OSBPL10: variants seen among roughly 807,000 people sequenced by gnomAD.
The protein encoded by OSBPL10 is oxysterol binding protein like 10, also known as oxysterol-binding protein-related protein 10.
OSBPL10 carries 49 observed loss-of-function variants against 81.7 expected under a neutral mutation model. The ratio of observed to expected loss-of-function variants is 0.60; its 90% CI spans 0.48 to 0.76. OSBPL10 has a LOEUF of 0.76. OSBPL10 is among the 30% of genes least tolerant of loss of function. The pLI, the probability that OSBPL10 is intolerant of heterozygous loss-of-function variation, is 0.00. For synonymous variants in OSBPL10, 419 were observed against 383.6 expected (o/e 1.09, Z -1.08); for missense variants, 923 against 987.8 (o/e 0.93, Z 0.88).
chr3:31,679,810 C>G (rs1264679127), intron 8 of OSBPL10, among the ~76,000 whole-genome samples: 1 of 152,126 alleles, frequency 6.6e-6, no homozygotes, highest in Non-Finnish European at 1.5e-5. Context: ...TATGAAAACA[C>G]AGAGCCCCAG....
At chr3:31,801,657 C>T (rs910070126) in intron 4 of OSBPL10, among the ~76,000 whole-genome samples, 1 of 152,138 alleles carries the variant, frequency 6.6e-6, no homozygotes, top group Admixed American at 6.5e-5. Flanking sequence ...GGTTACACTC[C>T]AGGAGCAAGC....
At chr3:31,829,656 CAG>C (rs773240431) in intron 4 of OSBPL10, among the ~76,000 whole-genome samples, 26 of 152,152 alleles carry the variant, frequency 1.7e-4, no homozygotes, top group African/African-American at 3.4e-4. Context: ...GGGCAGAAAA[CAG>C]GGGGTATCTG....
intron 5 of OSBPL10, among the ~76,000 whole-genome samples, chr3:31,739,280 G>C (rs1697272948): frequency 6.6e-6 from 1 of 151,856 alleles, no homozygotes; most frequent in African/African-American, 2.4e-5. Context: ...AGAAAAGAAA[G>C]GAAGAGGAGG....
chr3:31,762,630 A>ATTTT lies in OSBPL10; in HGVS notation c.730-14514_730-14511dup, dbSNP rs56311731. ...GCCTATGCACAACACCATGCCCAGCATTTTTTTTTTTTTTTTTTTGTAGAG... is the reference window on the plus strand; with the variant it reads ...GCCTATGCACAACACCATGCCCAGCATTTTTTTTTTTTTTTTTTTTTTTGTAGAG... On this transcript the variant is annotated intron_variant, in intron 4 of 11. Coordinates refer to ENST00000396556, the MANE Select transcript of OSBPL10 (RefSeq NM_017784.5). Among the ~76,000 whole-genome samples, 65 of 61,484 alleles carry ATTTT rather than the reference A, an allele frequency of 1.1e-3. 9 individuals are homozygous for ATTTT. The highest frequency in any genetic ancestry group is 4.6e-3 in the African/African-American group (57 of 12,522). 40.3% of individuals were successfully genotyped at this position (61,484 alleles called of 152,430 possible).
At chr3:31,771,230 G>A (rs559225942) in intron 4 of OSBPL10, among the ~76,000 whole-genome samples, 7 of 151,994 alleles carry the variant, frequency 4.6e-5, no homozygotes, top group Admixed American at 4.6e-4. Context: ...ACAGTGACAG[G>A]CATGTAGGAA....
intron 8 of OSBPL10, among the ~76,000 whole-genome samples, chr3:31,680,648 T>C (rs1431945874): frequency 5.3e-5 from 8 of 151,986 alleles, no homozygotes; most frequent in Admixed American, 3.3e-4. Context: ...CTCTGGTAAA[T>C]AGGTAAGGAT....
At chr3:31,769,853 C>T (rs1698323112) in intron 4 of OSBPL10, among the ~76,000 whole-genome samples, 1 of 151,322 alleles carries the variant, frequency 6.6e-6, no homozygotes, top group Non-Finnish European at 1.5e-5. Flanking sequence ...CAGATAACTG[C>T]TTGATTGTAG....
chr3:32,023,205 C>T (rs531873062), intron 2 of OSBPL10, among the ~76,000 whole-genome samples: 8 of 152,222 alleles, frequency 5.3e-5, no homozygotes, highest in African/African-American at 1.4e-4. Flanking sequence ...ATAATTCCCA[C>T]GTGTCCTGGG....
chr3:31,908,809 C>T (rs1330760037), intron 1 of OSBPL10, among the ~76,000 whole-genome samples: 1 of 152,170 alleles, frequency 6.6e-6, no homozygotes, highest in Non-Finnish European at 1.5e-5. Flanking sequence ...ATGATGGCAG[C>T]ACTTTCAGGC....
chr3:31,770,618 C>T (rs1030029417), intron 4 of OSBPL10, among the ~76,000 whole-genome samples: 1 of 152,172 alleles, frequency 6.6e-6, no homozygotes, highest in Non-Finnish European at 1.5e-5. Context: ...GAAACCCCAT[C>T]TCTACTAAAA....
chr3:31,684,126 A>C lies in OSBPL10; in HGVS notation c.1246-12T>G, dbSNP rs1196181711. On this transcript the variant is annotated splice_polypyrimidine_tract_variant and intron_variant, in intron 7 of 11. Coordinates refer to ENST00000396556, the MANE Select transcript of OSBPL10 (RefSeq NM_017784.5). The stretch of plus-strand genomic sequence containing the variant: ...GTGGGAAGCACCACCTGCATTTGGA[A>C]GGACACAAAGTCAGACAATCCCTGG... 2 of 1,610,576 alleles carry C rather than the reference A, an allele frequency of 1.2e-6. No homozygotes were observed. The highest frequency in any genetic ancestry group is 1.7e-6 in the Non-Finnish European group (2 of 1,177,080).
intron 1 of OSBPL10, among the ~76,000 whole-genome samples, chr3:32,068,305 G>A (rs111913628): frequency 3.9e-5 from 6 of 152,210 alleles, no homozygotes; most frequent in East Asian, 1.9e-4. Flanking sequence ...TCTGATCACC[G>A]CAGGGATGCC....
In OSBPL10 at chr3:31,905,851, C is replaced by A. The variant is rs559276941; in HGVS notation, c.282-26021G>T. On this transcript the variant is annotated intron_variant, in intron 1 of 11. Coordinates refer to ENST00000396556, the MANE Select transcript of OSBPL10 (RefSeq NM_017784.5). ...TAAAACATTCCCTGACAAAAAAAAACCTATCACTTGATTAATTATTCTATT... is the reference window on the plus strand; with the variant it reads ...TAAAACATTCCCTGACAAAAAAAAAACTATCACTTGATTAATTATTCTATT... Among the ~76,000 whole-genome samples, 5 of 150,602 alleles carry A rather than the reference C, an allele frequency of 3.3e-5. No homozygotes were observed. The South Asian group carries it at 8.4e-4, about 25-fold the overall frequency.
At chr3:31,947,566 T>C (rs917619355) in intron 1 of OSBPL10, among the ~76,000 whole-genome samples, 2 of 152,066 alleles carry the variant, frequency 1.3e-5, no homozygotes, top group African/African-American at 4.8e-5. Context: ...ACTCCACAAT[T>C]CCTGCGACAG....
chr3:31,994,330 C>A (rs1467855623), intron 2 of OSBPL10, among the ~76,000 whole-genome samples: 2 of 152,246 alleles, frequency 1.3e-5, no homozygotes, highest in East Asian at 3.9e-4. Flanking sequence ...GTTACAAGAG[C>A]TCCAGGCCTC....
At chr3:31,685,593 C>T (rs1306228948) in intron 7 of OSBPL10, among the ~76,000 whole-genome samples, 1 of 152,232 alleles carries the variant, frequency 6.6e-6, no homozygotes, top group Non-Finnish European at 1.5e-5. Flanking sequence ...TAGCCCAGAC[C>T]TGCTGGGCCA....
Position 31,662,038 on chromosome 3 carries a change from G to T in OSBPL10, c.*34C>A. 2 of 1,610,232 alleles carry T rather than the reference G, an allele frequency of 1.2e-6. No homozygotes were observed. The highest frequency in any genetic ancestry group is 1.7e-6 in the Non-Finnish European group (2 of 1,178,460). On this transcript the variant is annotated 3_prime_UTR_variant, in exon 12 of 12. Coordinates refer to ENST00000396556, the MANE Select transcript of OSBPL10 (RefSeq NM_017784.5). ...CTACTTTAATATTCCTACAAAAACA[G>T]GGCTATACTGGAAAGCTCTGCACCT...
At chr3:31,741,325 CA>C (rs1340737448) in intron 5 of OSBPL10, among the ~76,000 whole-genome samples, 2 of 152,230 alleles carry the variant, frequency 1.3e-5, no homozygotes, top group Non-Finnish European at 2.9e-5. Flanking sequence ...AGTGCAGTGG[CA>C]CAATCTCGGC....
intron 3 of OSBPL10, among the ~76,000 whole-genome samples, chr3:31,865,278 C>G (rs147791503): frequency 2.0e-5 from 3 of 152,212 alleles, no homozygotes; most frequent in East Asian, 1.9e-4. Flanking sequence ...CTGTCCAATA[C>G]GCAGCCATCA....
Sources: allele counts gnomAD v4.1 joint callset (sites outside exome capture counted in the v4.1 genomes callset), GRCh38; gene constraint gnomAD v4.1.1; transcripts MANE v1.5; gene names NCBI Gene and HGNC (gene_info 2026-07-23, HGNC 2026-07-21).